Variants in ATP8B4 observed in about 807,000 individuals in gnomAD.
The protein encoded by ATP8B4 is probable phospholipid-transporting ATPase IM.
A neutral mutation model predicts 145.6 loss-of-function variants in ATP8B4; 133 were observed. The observed-to-expected ratio is 0.91, with a 90% confidence interval of 0.79 to 1.05. ATP8B4 has a LOEUF of 1.05. ATP8B4 is among the 50% of genes least tolerant of loss of function. The pLI, the probability that ATP8B4 is intolerant of heterozygous loss-of-function variation, is 0.00. For missense variants in ATP8B4, 1,458 were observed against 1,425.2 expected, an observed-to-expected ratio of 1.02 and a Z score of -0.37; for synonymous variants, 507 against 492.9, an observed-to-expected ratio of 1.03 and a Z score of -0.38.
chr15:50,080,077 C>T (rs915267769), intron 2 of ATP8B4, among the ~76,000 whole-genome samples: 1 of 152,150 alleles, frequency 6.6e-6, no homozygotes. Context: ...TTTGAATCTG[C>T]TCCAGAATAT....
intron 9 of ATP8B4, among the ~76,000 whole-genome samples, chr15:49,995,624 TG>T (rs1400364591): frequency 6.6e-6 from 1 of 152,162 alleles, no homozygotes; most frequent in African/African-American, 2.4e-5. Flanking sequence ...CTCTAAGCTC[TG>T]CACTGGAGAA....
Position 49,897,291 on chromosome 15 carries a change from C to G in ATP8B4, c.2697+1G>C, listed in dbSNP as rs150777155. 1 of 1,602,016 alleles carries G rather than the reference C, an allele frequency of 6.2e-7. No individual in the cohort carries two copies. The highest frequency in any genetic ancestry group is 2.2e-5 in the East Asian group (1 of 44,834). ...ACAAAAAAAAACATGCTTTTACCAACCTGGGCTGAGAAACCACAGAAGAAA... is the reference window on the plus strand; with the variant it reads ...ACAAAAAAAAACATGCTTTTACCAAGCTGGGCTGAGAAACCACAGAAGAAA... On this transcript the variant is annotated splice_donor_variant, in intron 23 of 27. Transcript: ENST00000284509. LOFTEE classifies it high-confidence loss of function.
At chr15:49,970,566 G>A (rs2045013426) in intron 13 of ATP8B4, among the ~76,000 whole-genome samples, 1 of 152,116 alleles carries the variant, frequency 6.6e-6, no homozygotes, top group South Asian at 2.1e-4. Context: ...AGCGAACAAG[G>A]AATGCGAAGG....
chr15:50,049,771 G>C (rs2052028574), intron 3 of ATP8B4, among the ~76,000 whole-genome samples: 1 of 152,154 alleles, frequency 6.6e-6, no homozygotes, highest in Non-Finnish European at 1.5e-5. Context: ...CCTACCAACA[G>C]TGTATAAGCA....
chr15:49,962,491 C>T (rs141744612), intron 13 of ATP8B4, among the ~76,000 whole-genome samples: 3 of 152,240 alleles, frequency 2.0e-5, no homozygotes, highest in African/African-American at 7.2e-5. Flanking sequence ...TTAAACAATG[C>T]CAGTACTTTC....
chr15:50,147,105 C>G (rs1333577941), intron 1 of ATP8B4, among the ~76,000 whole-genome samples: 1 of 152,104 alleles, frequency 6.6e-6, no homozygotes, highest in African/African-American at 2.4e-5. Flanking sequence ...GGTATCAGTA[C>G]AAATTCGAGG....
At chr15:50,158,916 T>G in intron 1 of ATP8B4, among the ~76,000 whole-genome samples, 2 of 152,124 alleles carry the variant, frequency 1.3e-5, no homozygotes, top group Non-Finnish European at 2.9e-5. Flanking sequence ...GCATGCTCCT[T>G]AAGAGTCATC....
chr15:50,105,901 A>T (rs1283948870), intron 2 of ATP8B4, among the ~76,000 whole-genome samples: 1 of 145,048 alleles, frequency 6.9e-6, no homozygotes, highest in Non-Finnish European at 1.5e-5. Context: ...CACACTATTA[A>T]GATTGTATAT....
At chr15:49,871,538 A>G (rs1026532262) in intron 25 of ATP8B4, among the ~76,000 whole-genome samples, 8 of 152,222 alleles carry the variant, frequency 5.3e-5, no homozygotes, top group African/African-American at 1.4e-4. Context: ...GGTGATGATG[A>G]TACAGGTCTC....
chr15:49,979,767 T>A lies in ATP8B4; in HGVS notation c.884A>T (p.Asn295Ile). Residue 295 changes from asparagine (N) to isoleucine (I), a missense_variant, in exon 12 of 28, where the codon AAT becomes ATT. Transcript: ENST00000284509. The part of the protein sequence containing the change: ...ICLGIILAIG[N>I]SIWESQTGDQ... ...CCCAGTTTGACTCTCCCAGATTGAATTTCCTATTGCAAGAATAATTCCCAA... is the reference window on the plus strand; with the variant it reads ...CCCAGTTTGACTCTCCCAGATTGAAATTCCTATTGCAAGAATAATTCCCAA... 6.2e-7 allele frequency: 1 copy of A among 1,608,808 alleles called. No individual in the cohort carries two copies. The highest frequency in any genetic ancestry group is 8.5e-7 in the Non-Finnish European group (1 of 1,176,858).
chr15:50,165,970 A>AACACACAC (rs149302745), intron 1 of ATP8B4, among the ~76,000 whole-genome samples: 7,588 of 146,908 alleles, frequency 0.052, 235 homozygotes, highest in African/African-American at 0.063. Flanking sequence ...AATCCCAGAG[A>AACACACAC]ACACACACAC....
chr15:49,972,502 T>C (rs1019421908), intron 13 of ATP8B4, 80 bp downstream of exon 13: 284 of 1,426,970 alleles, frequency 2.0e-4, no homozygotes, highest in Admixed American at 6.2e-4. Context: ...GTTTTGGATT[T>C]TTAAATTTTT....
intron 3 of ATP8B4, among the ~76,000 whole-genome samples, chr15:50,067,521 T>C (rs77380811): frequency 0.024 from 3,611 of 152,284 alleles, 145 homozygotes; most frequent in African/African-American, 0.083. Context: ...TCAAACACTT[T>C]CGTGTACTTT....
At chr15:49,977,125 T>C (rs2045735989) in intron 12 of ATP8B4, among the ~76,000 whole-genome samples, 1 of 152,146 alleles carries the variant, frequency 6.6e-6, no homozygotes, top group African/African-American at 2.4e-5. Context: ...TTGTTAACCA[T>C]TCAAAGCAAA....
At chr15:50,101,347 C>A (rs1188115340) in intron 2 of ATP8B4, among the ~76,000 whole-genome samples, 1 of 151,950 alleles carries the variant, frequency 6.6e-6, no homozygotes, top group Admixed American at 6.6e-5. Flanking sequence ...ACAACAGAAA[C>A]CTGTGTGTCA....
At chr15:49,987,973 C>T (rs1258103559) in intron 9 of ATP8B4, among the ~76,000 whole-genome samples, 1 of 152,210 alleles carries the variant, frequency 6.6e-6, no homozygotes, top group African/African-American at 2.4e-5. Flanking sequence ...TCTAGTCTCA[C>T]AACAAAAGTT....
rs77737660 is a variant in ATP8B4, at chr15:49,919,801, T to A, written c.1923+445A>T. Among the ~76,000 whole-genome samples, 634 of 152,248 alleles carry A rather than the reference T, an allele frequency of 4.2e-3. 3 individuals are homozygous for A. The highest frequency in any genetic ancestry group is 0.01 in the Middle Eastern group (3 of 294). On this transcript the variant is annotated intron_variant, in intron 18 of 27. Transcript: ENST00000284509. Reference sequence around the variant, plus strand: ...TATTCCTGGCCACTGGGGCTTCAGGTAAGAGTGGTTTTTAGAATAGACCAT... The same window carrying A: ...TATTCCTGGCCACTGGGGCTTCAGGAAAGAGTGGTTTTTAGAATAGACCAT...
At chr15:49,879,916 G>A (rs747649218) in intron 23 of ATP8B4, 1 of 152,408 alleles carries the variant, frequency 6.6e-6, no homozygotes, top group Non-Finnish European at 1.5e-5. Context: ...TGTTAAAATG[G>A]AGAGGTTTTT....
At chr15:50,150,533 T>C (rs1349461313) in intron 1 of ATP8B4, among the ~76,000 whole-genome samples, 2 of 152,212 alleles carry the variant, frequency 1.3e-5, no homozygotes, top group Non-Finnish European at 2.9e-5. Flanking sequence ...TACACCCACA[T>C]TTGGAAGGAA....
Sources: allele counts gnomAD v4.1 joint callset (sites outside exome capture counted in the v4.1 genomes callset), GRCh38; gene constraint gnomAD v4.1.1; transcripts MANE v1.5; gene names NCBI Gene and HGNC (gene_info 2026-07-23, HGNC 2026-07-21).